The following PTBP3 variants were observed in gnomAD, a reference collection of about 807,000 sequenced individuals.
PTBP3 encodes polypyrimidine tract binding protein 3.
Under a neutral mutation model 58.7 loss-of-function variants are expected in PTBP3, and 20 were observed. That is an observed-to-expected ratio of 0.34 (90% CI 0.24 to 0.50). PTBP3 has a LOEUF of 0.50. Among genes scored for constraint, PTBP3 ranks in the 20% least tolerant of loss-of-function variants. The probability of loss-of-function intolerance (pLI) is 0.98; values close to 1 mark genes in which losing one functional copy is unlikely to be tolerated. For synonymous variants in PTBP3, 185 were observed against 219.8 expected (o/e 0.84, Z 1.40); for missense variants, 509 against 637.2 (o/e 0.80, Z 2.17).
chr9:112,221,963 C>A lies in PTBP3; in HGVS notation c.*1888G>T. The A allele has an allele frequency of 1.1e-6, 1 of 928,588 alleles. No individual in the cohort carries two copies. Among genetic ancestry groups the A allele is most frequent in the Non-Finnish European group, 1.3e-6 (1 of 778,108 alleles). 57.5% of individuals were successfully genotyped at this position (928,588 alleles called of 1,614,324 possible). Reference sequence around the variant, plus strand: ...ATGTTCCAGGGCTGGAGTGAAGTGGCTATTCACAAATGTGATCATAGCGCA... The same window carrying A: ...ATGTTCCAGGGCTGGAGTGAAGTGGATATTCACAAATGTGATCATAGCGCA... On this transcript the variant is annotated 3_prime_UTR_variant, in exon 14 of 14. Transcript: ENST00000374257.
chr9:112,340,921 G>A, the PTBP3 span, among the ~76,000 whole-genome samples: 1 of 151,316 alleles, frequency 6.6e-6, no homozygotes, highest in African/African-American at 2.4e-5. Context: ...CTTGTTTCAT[G>A]GACTCCATAT....
intron 8 of PTBP3, among the ~76,000 whole-genome samples, chr9:112,232,562 T>G (rs1835287071): frequency 6.6e-6 from 1 of 152,174 alleles, no homozygotes; most frequent in Non-Finnish European, 1.5e-5. Context: ...AATAGATATA[T>G]CCTAACACCC....
Position 112,220,464 on chromosome 9 carries a change from T to C in PTBP3, c.*3387A>G. 1 of 1,106,430 alleles carries C rather than the reference T, an allele frequency of 9.0e-7. No homozygotes were observed. Among genetic ancestry groups the C allele is most frequent in the Non-Finnish European group, 1.1e-6 (1 of 897,984 alleles). The allele number at this position is 1,106,430 out of a possible 1,614,324, so 68.5% of individuals were successfully genotyped here. ...TCAACTAAAACAGAACCCATGATTATCATACTAGGTGGAGCCAAAGAAGGC... is the reference window on the plus strand; with the variant it reads ...TCAACTAAAACAGAACCCATGATTACCATACTAGGTGGAGCCAAAGAAGGC... On this transcript the variant is annotated 3_prime_UTR_variant, in exon 14 of 14. Coordinates refer to ENST00000374257, the MANE Select transcript of PTBP3 (RefSeq NM_001163788.4).
At chr9:112,329,481 CATT>C (rs1321541696) in intron 1 of PTBP3, among the ~76,000 whole-genome samples, 10 of 152,058 alleles carry the variant, frequency 6.6e-5, no homozygotes, top group Non-Finnish European at 1.2e-4. Context: ...CTAGAAGAAT[CATT>C]ATTATAAAAT....
intron 1 of PTBP3, among the ~76,000 whole-genome samples, chr9:112,331,635 C>G (rs1340320514): frequency 6.6e-6 from 1 of 152,214 alleles, no homozygotes; most frequent in Non-Finnish European, 1.5e-5. Flanking sequence ...TGGTGTAACA[C>G]TATGGTTATT....
At chr9:112,348,500 CG>C in the PTBP3 span, among the ~76,000 whole-genome samples, 1 of 152,212 alleles carries the variant, frequency 6.6e-6, no homozygotes, top group Non-Finnish European at 1.5e-5. Context: ...TGCACAAGTT[CG>C]GTAAACACAC....
At chr9:112,265,280 A>C (rs1251306995) in intron 4 of PTBP3, among the ~76,000 whole-genome samples, 1 of 152,100 alleles carries the variant, frequency 6.6e-6, no homozygotes, top group Non-Finnish European at 1.5e-5. Flanking sequence ...AGGCGGGTGG[A>C]TCACCTGACC....
the PTBP3 span, chr9:112,362,974 C>T: frequency 4.0e-6 from 1 of 251,464 alleles, no homozygotes. Context: ...GGAAGGGCTG[C>T]TGACATGCAG....
intron 10 of PTBP3, 143 bp downstream of exon 10, chr9:112,231,233 ATTAC>A (rs756485487): frequency 2.4e-5 from 13 of 531,232 alleles, no homozygotes; most frequent in Non-Finnish European, 3.6e-5. Flanking sequence ...CATCACTGTA[ATTAC>A]TTACTAAGTC....
Position 112,221,943 on chromosome 9 carries a change from C to T in PTBP3, c.*1908G>A. ...TTAAGAGAAGGGGTCACACTATGTT[C>T]CAGGGCTGGAGTGAAGTGGCTATTC... On this transcript the variant is annotated 3_prime_UTR_variant, in exon 14 of 14. Transcript: ENST00000374257. 6 of 947,420 alleles carry T rather than the reference C, an allele frequency of 6.3e-6. No individual in the cohort carries two copies. The highest frequency in any genetic ancestry group is 7.5e-6 in the Non-Finnish European group (6 of 795,320). 58.7% of individuals were successfully genotyped at this position (947,420 alleles called of 1,614,324 possible).
At chr9:112,227,247 G>T (rs1252928002) in intron 12 of PTBP3, among the ~76,000 whole-genome samples, 164 bp downstream of exon 12, 1 of 152,096 alleles carries the variant, frequency 6.6e-6, no homozygotes, top group Non-Finnish European at 1.5e-5. Flanking sequence ...TGTAGGATTG[G>T]AGATAACCTT....
intron 7 of PTBP3, among the ~76,000 whole-genome samples, chr9:112,247,496 G>C (rs1418491585): frequency 6.6e-6 from 1 of 151,066 alleles, no homozygotes; most frequent in East Asian, 1.9e-4. Context: ...TTGAGCCCAG[G>C]AGTTTGAGAC....
the PTBP3 span, chr9:112,379,797 A>C: frequency 7.6e-6 from 3 of 393,020 alleles, no homozygotes; most frequent in Non-Finnish European, 1.4e-5. Flanking sequence ...AGAAACCCCT[A>C]GAGACAGGGA....
intron 1 of PTBP3, among the ~76,000 whole-genome samples, chr9:112,320,291 A>AAATATATATATATATAT (rs1411646280): frequency 1.4e-5 from 1 of 73,536 alleles, no homozygotes; most frequent in African/African-American, 9.0e-5. Flanking sequence ...AAAAAAAAAA[A>AAATATATATATATATAT]ATATATATAT....
chr9:112,298,517 T>G (rs746879688), intron 1 of PTBP3: 1 of 504,964 alleles, frequency 2.0e-6, no homozygotes, highest in South Asian at 1.5e-5. Context: ...AGAAGTCTTT[T>G]CATTGTAATG....
intron 1 of PTBP3, 119 bp downstream of exon 1, chr9:112,333,351 C>T (rs1028298274): frequency 3.3e-6 from 4 of 1,204,246 alleles, no homozygotes; most frequent in Non-Finnish European, 4.3e-6. Flanking sequence ...TTGGCCGGGG[C>T]CGCTCCTCCG....
rs1554799457 is a variant in PTBP3 at position 112,290,709 on chromosome 9, C to CACACACAA, written c.34+7122_34+7123insTTGTGTGT. Among the ~76,000 whole-genome samples the CACACACAA allele has an allele frequency of 7.8e-3, 1,020 of 131,586 alleles. 12 individuals carry two copies. The highest frequency in any genetic ancestry group is 0.036 in the Middle Eastern group (9 of 252). The allele number at this position is 131,586 out of a possible 152,430, so 86.3% of individuals were successfully genotyped here. A position where few individuals can be genotyped will look rare whatever the true frequency, so the allele number is the denominator to read the frequency against. On this transcript the variant is annotated intron_variant, in intron 2 of 13. Coordinates refer to ENST00000374257, the MANE Select transcript of PTBP3 (RefSeq NM_001163788.4). ...AAAAATATATATATATATATATATACACACACACACACACACACACACACA... is the reference window on the plus strand; with the variant it reads ...AAAAATATATATATATATATATATACACACACAAACACACACACACACACACACACACA...
upstream of PTBP3, among the ~76,000 whole-genome samples, chr9:112,334,385 T>C (rs771360269): frequency 2.6e-5 from 4 of 152,126 alleles, no homozygotes; most frequent in Admixed American, 6.5e-5. Context: ...CAGATGAAAA[T>C]ACATATACAA....
chr9:112,332,903 C>T, intron 1 of PTBP3: 1 of 1,583,698 alleles, frequency 6.3e-7, no homozygotes, highest in Non-Finnish European at 8.6e-7. Context: ...CAGCACAAGT[C>T]GGGAGACCTC....
Sources: gnomAD v4.1 joint callset for allele counts (sites outside exome capture counted in the v4.1 genomes callset) on GRCh38, gnomAD v4.1.1 for gene constraint, MANE v1.5 for transcripts, NCBI Gene and HGNC (gene_info 2026-07-23, HGNC 2026-07-21) for gene names.